The following JADE3 variants were observed in gnomAD, a reference collection of about 807,000 sequenced individuals.
JADE3 encodes the protein jade family PHD finger 3.
Under a neutral mutation model 50.1 loss-of-function variants are expected in JADE3, and 2 were observed. The ratio of observed to expected loss-of-function variants is 0.04; its 90% CI spans 0.02 to 0.13. JADE3 has a LOEUF of 0.13. JADE3 is among the 10% of genes least tolerant of loss of function. JADE3 has a pLI of 1.00. For missense variants in JADE3, 475 were observed against 634.4 expected (o/e 0.75, Z 2.70); for synonymous variants, 218 against 232.9 (o/e 0.94, Z 0.58).
In JADE3 at chrX:47,028,122, C is replaced by T. The variant is rs782306136; in HGVS notation, c.687+19C>T. 6 of 1,094,326 alleles carry T rather than the reference C, an allele frequency of 5.5e-6. No individual in the cohort carries two copies. Among genetic ancestry groups the T allele is most frequent in the East Asian group, 3.0e-5 (1 of 33,227 alleles). The allele number at this position is 1,094,326 out of a possible 1,213,427, so 90.2% of individuals were successfully genotyped here. On this transcript the variant is annotated intron_variant, in intron 6 of 10. Transcript: ENST00000614628. ...GCATCAGGTTAGTGAGAGTGGAGAC[C>T]GTCATCTCCCTACGGTCAGCCTTTC...
intron 1 of JADE3, among the ~76,000 whole-genome samples, chrX:46,952,106 A>G (rs782788181): frequency 9.8e-4 from 110 of 112,070 alleles, no homozygotes; most frequent in Admixed American, 2.0e-3. Flanking sequence ...TCCTTGTTAG[A>G]TAATTTCAAC....
At chrX:46,994,631 T>A (rs904557688) in intron 3 of JADE3, among the ~76,000 whole-genome samples, 3 of 111,952 alleles carry the variant, frequency 2.7e-5, no homozygotes, top group Admixed American at 9.5e-5. Flanking sequence ...TTGATGGGGC[T>A]CTTGCTTGGG....
At chrX:47,053,142 G>A (rs1231178070) in intron 8 of JADE3, among the ~76,000 whole-genome samples, 1 of 107,957 alleles carries the variant, frequency 9.3e-6, no homozygotes, top group African/African-American at 3.4e-5. Flanking sequence ...ACAATTTCAC[G>A]GGGCATGGTG....
At chrX:47,056,245 T>G (rs1423136230) in intron 10 of JADE3, 46 bp downstream of exon 10, 2 of 661,799 alleles carry the variant, frequency 3.0e-6, no homozygotes, top group South Asian at 5.5e-5. Flanking sequence ...TAGACTCTGG[T>G]TATATCCTAT....
At chrX:46,983,139 T>G (rs1556353431) in intron 1 of JADE3, among the ~76,000 whole-genome samples, 1 of 112,337 alleles carries the variant, frequency 8.9e-6, no homozygotes, top group Non-Finnish European at 1.9e-5. Context: ...TGTCTCTTTC[T>G]CTGGTTCTCT....
At chrX:46,975,290 G>C (rs1283711791) in intron 1 of JADE3, among the ~76,000 whole-genome samples, 1 of 112,295 alleles carries the variant, frequency 8.9e-6, no homozygotes, top group African/African-American at 3.2e-5. Context: ...CATGGGAACA[G>C]ATATCTTGAA....
At chrX:46,917,232 TGGTGGGGGCG>T (rs1280041380) in intron 1 of JADE3, among the ~76,000 whole-genome samples, 5 of 65,498 alleles carry the variant, frequency 7.6e-5, no homozygotes, top group Non-Finnish European at 1.1e-4. Flanking sequence ...GGATCCAAGC[TGGTGGGGGCG>T]GGTGGGGGTG....
chrX:47,002,590 G>A (rs1928310701), intron 4 of JADE3, among the ~76,000 whole-genome samples: 2 of 108,194 alleles, frequency 1.8e-5, no homozygotes, highest in African/African-American at 6.7e-5. Flanking sequence ...CATGGTCATT[G>A]CTAGTACATA....
chrX:46,928,131 A>G (rs888154621), intron 1 of JADE3, among the ~76,000 whole-genome samples: 26 of 111,727 alleles, frequency 2.3e-4, no homozygotes, highest in African/African-American at 8.5e-4. Flanking sequence ...CTGTTTCTGC[A>G]CTGCCTTCCC....
At position 46,915,757 on chromosome X, in the gene JADE3, T is replaced by TAA. The variant is rs199877991; in HGVS notation, c.-12+3050_-12+3051dup. Among the ~76,000 whole-genome samples the TAA allele has an allele frequency of 3.5e-3, 319 of 92,396 alleles. 2 individuals carry two copies. The highest frequency in any genetic ancestry group is 0.011 in the African/African-American group (289 of 25,415). 80.2% of individuals were successfully genotyped at this position (92,396 alleles called of 115,157 possible). A position where few individuals can be genotyped will look rare whatever the true frequency, so the allele number is the denominator to read the frequency against. ...CCTCTGTGCTTTTCTTGGGAGAAAG[T>TAA]AAAAAAAAAAAAAGGGTCCTGGGAA... On this transcript the variant is annotated intron_variant, in intron 1 of 10. Coordinates refer to ENST00000614628, the MANE Select transcript of JADE3 (RefSeq NM_014735.5).
chrX:47,054,462 C>T lies in JADE3; in HGVS notation c.1277C>T (p.Ala426Val), dbSNP rs1929591953. 1.7e-6 allele frequency: 2 copies of T among 1,210,625 alleles called. No homozygotes were observed. The highest frequency in any genetic ancestry group is 3.5e-5 in the African/African-American group (2 of 57,813). The change falls in exon 9 of 11, where the codon GCT becomes GTT. Residue 426 changes from alanine to valine, a missense_variant. Ala to Val is a moderately conservative substitution (Grantham distance 64). Transcript: ENST00000614628. ...GCAGAGCTGGGTATGCCCACGCTAG[C>T]TGTGGACTTTATCTATAACTACTGG... is the stretch of plus-strand genomic sequence containing the variant. ...VAAELGMPTL[A>V]VDFIYNYWKL...
At chrX:47,038,523 T>A (rs923686312) in intron 7 of JADE3, among the ~76,000 whole-genome samples, 15 of 109,388 alleles carry the variant, frequency 1.4e-4, no homozygotes, top group African/African-American at 4.0e-4. Context: ...CCAAAAATAT[T>A]TTTTTTTAAT....
chrX:46,915,308 G>A (rs1270052307), intron 1 of JADE3, among the ~76,000 whole-genome samples: 3 of 112,018 alleles, frequency 2.7e-5, no homozygotes, highest in African/African-American at 9.7e-5. Flanking sequence ...CACAAAATAG[G>A]AGCTGAGAAG....
chrX:46,998,348 C>T (rs1928187630), intron 4 of JADE3, 71 bp downstream of exon 4: 2 of 943,559 alleles, frequency 2.1e-6, no homozygotes, highest in Non-Finnish European at 3.0e-6. Flanking sequence ...TGGGGAGAAA[C>T]TTAGAGTGGC....
rs782194573 is a variant in JADE3, at chrX:46,955,476, AT to A, written c.-11-29406del. ...GCTAGCTTTATTCAAGGCCAGTATA[AT>A]TCTTGTGACTCTCTTGCCTATAATA... On this transcript the variant is annotated intron_variant, in intron 1 of 10. Coordinates refer to ENST00000614628, the MANE Select transcript of JADE3 (RefSeq NM_014735.5). Among the ~76,000 whole-genome samples, 334 of 112,466 alleles carry A rather than the reference AT, an allele frequency of 3.0e-3. 3 individuals are homozygous for A. Among genetic ancestry groups the A allele is most frequent in the Middle Eastern group, 0.014 (3 of 218 alleles).
chrX:47,053,057 A>C (rs1389774377), intron 8 of JADE3, among the ~76,000 whole-genome samples: 1 of 110,058 alleles, frequency 9.1e-6, no homozygotes, highest in Non-Finnish European at 1.9e-5. Context: ...CACCGTCTAA[A>C]AAAATTTTTT....
chrX:47,042,049 A>G lies in JADE3; in HGVS notation c.972+2984A>G, dbSNP rs782773579. ...TGCTTTGTCACTTAGGCTGGAGTGCAGTGGTGAGATCATAGCTCACTATAA... is the reference window on the plus strand; with the variant it reads ...TGCTTTGTCACTTAGGCTGGAGTGCGGTGGTGAGATCATAGCTCACTATAA... On this transcript the variant is annotated intron_variant, in intron 8 of 10. Transcript: ENST00000614628. 5.5e-5 allele frequency among the ~76,000 whole-genome samples: 6 copies of G among 108,690 alleles called. No homozygotes were observed. The East Asian group carries it at 1.2e-3, about 21-fold the overall frequency. 94.4% of individuals were successfully genotyped at this position (108,690 alleles called of 115,157 possible).
chrX:46,994,373 A>G (rs1448372326), intron 3 of JADE3, among the ~76,000 whole-genome samples: 1 of 112,107 alleles, frequency 8.9e-6, no homozygotes, highest in African/African-American at 3.2e-5. Flanking sequence ...CTCTTTGACC[A>G]TAAATGAACA....
At chrX:46,916,495 A>G (rs1926088318) in intron 1 of JADE3, among the ~76,000 whole-genome samples, 1 of 111,696 alleles carries the variant, frequency 9.0e-6, no homozygotes, top group African/African-American at 3.3e-5. Context: ...TGAAGCACAC[A>G]GTTTGTAAAC....
Sources: allele counts gnomAD v4.1 joint callset (sites outside exome capture counted in the v4.1 genomes callset), GRCh38; gene constraint gnomAD v4.1.1; transcripts MANE v1.5; gene names NCBI Gene and HGNC (gene_info 2026-07-23, HGNC 2026-07-21).